The following NAALADL2 variants were observed in gnomAD, a reference collection of about 807,000 sequenced individuals.
NAALADL2 encodes inactive N-acetylated-alpha-linked acidic dipeptidase-like protein 2.
In NAALADL2, 76 loss-of-function variants were observed where a neutral mutation model predicts 87.2. The ratio of observed to expected loss-of-function variants is 0.87; its 90% CI spans 0.72 to 1.05. NAALADL2 has a LOEUF of 1.05. Among genes scored for constraint, NAALADL2 ranks in the 50% least tolerant of loss-of-function variants. The pLI, the probability that NAALADL2 is intolerant of heterozygous loss-of-function variation, is 0.00. For synonymous variants in NAALADL2, 354 were observed against 331.0 expected (o/e 1.07, Z -0.75); for missense variants, 1,089 against 945.8 (o/e 1.15, Z -1.99).
At chr3:174,508,534 A>T (rs1436655267) in intron 1 of NAALADL2, among the ~76,000 whole-genome samples, 1 of 152,220 alleles carries the variant, frequency 6.6e-6, no homozygotes, top group Admixed American at 6.5e-5. Flanking sequence ...TTTAATTTCG[A>T]TTTTGTTGGT....
intron 2 of NAALADL2, chr3:174,551,120 A>G (rs1712074075): frequency 6.6e-6 from 1 of 152,142 alleles, no homozygotes; most frequent in Non-Finnish European, 1.5e-5. Flanking sequence ...CATCAGGTAT[A>G]TCTTCTAAAG....
intron 1 of NAALADL2, among the ~76,000 whole-genome samples, chr3:174,968,479 A>G (rs139252202): frequency 4.4e-4 from 67 of 151,848 alleles, no homozygotes; most frequent in African/African-American, 1.5e-3. Flanking sequence ...GGTTTGAATG[A>G]CTCCACAGCC....
At chr3:175,317,641 G>A (rs1225695625) in intron 4 of NAALADL2, among the ~76,000 whole-genome samples, 1 of 151,882 alleles carries the variant, frequency 6.6e-6, no homozygotes, top group Non-Finnish European at 1.5e-5. Flanking sequence ...ATGGATAAGT[G>A]GCCCAGAAAT....
At chr3:175,280,752 G>A (rs1362664923) in intron 4 of NAALADL2, among the ~76,000 whole-genome samples, 1 of 151,992 alleles carries the variant, frequency 6.6e-6, no homozygotes, top group African/African-American at 2.4e-5. Flanking sequence ...AAAGTACACA[G>A]GAGGCCCTTC....
At chr3:174,766,275 C>T (rs536031483) in intron 3 of NAALADL2, among the ~76,000 whole-genome samples, 1 of 152,188 alleles carries the variant, frequency 6.6e-6, no homozygotes, top group Admixed American at 6.5e-5. Flanking sequence ...GGCTGTTGAC[C>T]CACGAGGCAT....
At chr3:174,446,937 T>A (rs1022888447) in intron 1 of NAALADL2, among the ~76,000 whole-genome samples, 2 of 152,154 alleles carry the variant, frequency 1.3e-5, no homozygotes, top group Non-Finnish European at 2.9e-5. Flanking sequence ...TAAGAAACCT[T>A]GTGGTTCTGG....
chr3:174,861,996 C>T (rs1434171953), intron 1 of NAALADL2, among the ~76,000 whole-genome samples: 1 of 151,856 alleles, frequency 6.6e-6, no homozygotes, highest in Non-Finnish European at 1.5e-5. Context: ...AAAGGAATCT[C>T]CTCTTTTAGT....
At chr3:175,377,435 T>G (rs1767269796) in intron 5 of NAALADL2, among the ~76,000 whole-genome samples, 1 of 152,214 alleles carries the variant, frequency 6.6e-6, no homozygotes, top group South Asian at 2.1e-4. Context: ...GTTACTTGTT[T>G]TTGCTTCTTC....
intron 6 of NAALADL2, among the ~76,000 whole-genome samples, chr3:175,458,621 T>C (rs1043733345): frequency 4.0e-5 from 6 of 148,894 alleles, no homozygotes; most frequent in Admixed American, 2.0e-4. Context: ...TGAGAACATA[T>C]CAATATCAAG....
At chr3:175,559,770 T>C (rs759265614) in intron 9 of NAALADL2, among the ~76,000 whole-genome samples, 1 of 152,270 alleles carries the variant, frequency 6.6e-6, no homozygotes, top group Non-Finnish European at 1.5e-5. Flanking sequence ...ACCAATCTTG[T>C]ATCACTGGGG....
chr3:175,204,208 C>A (rs1019478093), intron 2 of NAALADL2, among the ~76,000 whole-genome samples: 1 of 152,152 alleles, frequency 6.6e-6, no homozygotes, highest in Non-Finnish European at 1.5e-5. Flanking sequence ...AAAATGCTAG[C>A]TAACCAAATC....
chr3:175,202,493 C>T (rs1740195053), intron 2 of NAALADL2, among the ~76,000 whole-genome samples: 1 of 152,112 alleles, frequency 6.6e-6, no homozygotes, highest in Non-Finnish European at 1.5e-5. Context: ...CACAACATGC[C>T]AATAACTTTC....
chr3:174,550,497 A>T (rs756493614), intron 1 of NAALADL2: 1 of 152,104 alleles, frequency 6.6e-6, no homozygotes, highest in Admixed American at 6.5e-5. Context: ...AAAGCCACAG[A>T]CTTGTTTTCT....
intron 1 of NAALADL2, chr3:175,081,324 G>C (rs1308532726): frequency 6.6e-6 from 1 of 152,140 alleles, no homozygotes; most frequent in African/African-American, 2.4e-5. Context: ...TATACACTTT[G>C]AGTACTAATT....
chr3:174,934,211 A>G (rs560370445), intron 1 of NAALADL2, among the ~76,000 whole-genome samples: 3 of 152,306 alleles, frequency 2.0e-5, no homozygotes, highest in South Asian at 2.1e-4. Flanking sequence ...CTAAAGTAGG[A>G]TTTCACACAC....
chr3:175,661,664 T>C (rs1339119670), intron 11 of NAALADL2, among the ~76,000 whole-genome samples: 1 of 152,094 alleles, frequency 6.6e-6, no homozygotes. Context: ...TGAGTTGATA[T>C]TTGTGTATAT....
intron 1 of NAALADL2, among the ~76,000 whole-genome samples, chr3:175,020,752 G>A (rs1029167020): frequency 6.6e-6 from 1 of 151,984 alleles, no homozygotes; most frequent in Non-Finnish European, 1.5e-5. Context: ...AGGCTCTTCA[G>A]TACCTTTGGG....
intron 5 of NAALADL2, among the ~76,000 whole-genome samples, chr3:175,372,632 C>T (rs1418016232): frequency 6.6e-6 from 1 of 152,192 alleles, no homozygotes; most frequent in Non-Finnish European, 1.5e-5. Context: ...AAAGTCCTGA[C>T]CAACATATGC....
chr3:174,588,311 G>C lies in NAALADL2; in HGVS notation c.-115+37674G>C, dbSNP rs189971866. Among the ~76,000 whole-genome samples, 757 of 152,212 alleles carry C rather than the reference G, an allele frequency of 5.0e-3. 5 individuals are homozygous for C. Among genetic ancestry groups the C allele is most frequent in the South Asian group, 8.7e-3 (42 of 4,818 alleles). ...TTTTTAGCTTCTTTGTGATGGGTTC[G>C]AACATCCTCCTTTAGCTCGGAGAAG... is the stretch of plus-strand genomic sequence containing the variant. On this transcript the variant is annotated intron_variant, in intron 2 of 3. Coordinates refer to the NAALADL2 transcript ENST00000434257.
Sources: gnomAD v4.1 joint callset for allele counts (sites outside exome capture counted in the v4.1 genomes callset) on GRCh38, gnomAD v4.1.1 for gene constraint, MANE v1.5 for transcripts, NCBI Gene and HGNC (gene_info 2026-07-23, HGNC 2026-07-21) for gene names.